ZCCHC14: variants seen among roughly 807,000 people sequenced by gnomAD.
ZCCHC14 encodes zinc finger CCHC domain-containing protein 14.
Under a neutral mutation model 85.0 loss-of-function variants are expected in ZCCHC14, and 16 were observed. The ratio of observed to expected loss-of-function variants is 0.19; its 90% CI spans 0.13 to 0.29. The LOEUF (loss-of-function observed/expected upper bound fraction) is 0.29. Ranked by LOEUF, ZCCHC14 falls within the 10% of genes least tolerant of loss-of-function variation. The probability of loss-of-function intolerance (pLI) is 1.00; values close to 1 mark genes in which losing one functional copy is unlikely to be tolerated. For synonymous variants in ZCCHC14, 775 were observed against 630.7 expected (o/e 1.23, Z -3.43); for missense variants, 1,303 against 1,443.5 (o/e 0.90, Z 1.58).
intron 1 of ZCCHC14, among the ~76,000 whole-genome samples, chr16:87,486,362 C>T (rs1005950668): frequency 1.3e-5 from 2 of 152,194 alleles, no homozygotes; most frequent in Non-Finnish European, 1.5e-5. Context: ...TGTTTAGATA[C>T]ACAAATACCA....
chr16:87,414,545 T>C lies in ZCCHC14; in HGVS notation c.1476-4A>G. On this transcript the variant is annotated splice_polypyrimidine_tract_variant and splice_region_variant and intron_variant, in intron 9 of 12. Coordinates refer to ENST00000671377, the MANE Select transcript of ZCCHC14 (RefSeq NM_015144.3). ...GCACCGTCTCTCTGACTTCTCCCTG[T>C]GAAATAATCAAGCACAGGAACAAGT... is the stretch of plus-strand genomic sequence containing the variant. 1 of 1,609,454 alleles carries C rather than the reference T, an allele frequency of 6.2e-7. No homozygotes were observed. Among genetic ancestry groups the C allele is most frequent in the South Asian group, 1.1e-5 (1 of 90,612 alleles).
chr16:87,412,422 G>A lies in ZCCHC14; in HGVS notation c.2299C>T (p.Leu767Phe), dbSNP rs1483906875. Reference sequence around the variant, plus strand: ...TTGATGGGCGGACGGGCGGCGTGGAGGACTGTGCTGGGCGTCCCCGTGGCG... The same window carrying A: ...TTGATGGGCGGACGGGCGGCGTGGAAGACTGTGCTGGGCGTCCCCGTGGCG... Reference protein sequence around the residue: ...TAATGTPSTVLHAARPPIKLL... With the variant: ...TAATGTPSTVFHAARPPIKLL... Residue 767 changes from leucine to phenylalanine, a missense_variant, in exon 12 of 13, where the codon CTC (leucine) becomes TTC (phenylalanine). Leu to Phe is a conservative substitution (Grantham distance 22, BLOSUM62 0). Around this residue, in one of 7 missense-constraint regions of ZCCHC14, gnomAD observed 797 missense variants for 730.8 expected, o/e 1.09. Coordinates refer to ENST00000671377, the MANE Select transcript of ZCCHC14 (RefSeq NM_015144.3). 3.1e-6 allele frequency: 5 copies of A among 1,614,160 alleles called. No homozygotes were observed. Among genetic ancestry groups the A allele is most frequent in the Non-Finnish European group, 4.2e-6 (5 of 1,180,024 alleles).
Position 87,409,507 on chromosome 16 carries a change from T to G in ZCCHC14, c.*773A>C, listed in dbSNP as rs1218528424. The G allele has an allele frequency of 1.3e-5, 2 of 152,330 alleles. No homozygotes were observed. Among genetic ancestry groups the G allele is most frequent in the Non-Finnish European group, 2.9e-5 (2 of 68,050 alleles). The allele number at this position is 152,330 out of a possible 1,614,324, so 9.4% of individuals were successfully genotyped here. On this transcript the variant is annotated 3_prime_UTR_variant, in exon 13 of 13. Coordinates refer to ENST00000671377, the MANE Select transcript of ZCCHC14 (RefSeq NM_015144.3). Reference sequence around the variant, plus strand: ...TTGACGACTATGGATTCTCTGGGACTTGGACCCTTAGAAATTAAGTTGTTG... The same window carrying G: ...TTGACGACTATGGATTCTCTGGGACGTGGACCCTTAGAAATTAAGTTGTTG...
Position 87,412,326 on chromosome 16 carries a change from G to C in ZCCHC14, c.2395C>G (p.Gln799Glu). The C allele has an allele frequency of 6.2e-7, 1 of 1,614,058 alleles. No individual in the cohort carries two copies. Among genetic ancestry groups the C allele is most frequent in the Non-Finnish European group, 8.5e-7 (1 of 1,180,044 alleles). Residue 799 changes from glutamine to glutamate, a missense_variant, in exon 12 of 13, where the codon CAA becomes GAA. Gln to Glu is a conservative substitution (Grantham distance 29). Around this residue, in one of 7 missense-constraint regions of ZCCHC14, gnomAD observed 797 missense variants for 730.8 expected, o/e 1.09. Coordinates refer to ENST00000671377, the MANE Select transcript of ZCCHC14 (RefSeq NM_015144.3). Reference sequence around the variant, plus strand: ...ATTATTGCAGGGGGCACACTTATTTGCACATTATTAGGACAGGAAGTTTGC... The same window carrying C: ...ATTATTGCAGGGGGCACACTTATTTCCACATTATTAGGACAGGAAGTTTGC... Reference protein sequence around the residue: ...SGQTSCPNNVQISVPPAIINP... With the variant: ...SGQTSCPNNVEISVPPAIINP...
chr16:87,438,371 T>C (rs546341036), intron 2 of ZCCHC14, among the ~76,000 whole-genome samples: 5 of 152,398 alleles, frequency 3.3e-5, no homozygotes, highest in African/African-American at 9.6e-5. Context: ...TAAAGGGCTC[T>C]TTCAATAAAA....
Position 87,492,658 on chromosome 16 carries a change from G to A in ZCCHC14, c.-420C>T, listed in dbSNP as rs1321550791. ...CGCCCCCATCTCCCCCCGCGCCGCA[G>A]GGTCTGTCACTGCGGGCCGCCCCCC... On this transcript the variant is annotated 5_prime_UTR_variant, in exon 1 of 13. Coordinates refer to ENST00000671377, the MANE Select transcript of ZCCHC14 (RefSeq NM_015144.3). The surrounding 1 kb of genome is among the most constrained non-coding windows in gnomAD (Gnocchi z 6.7). The A allele has an allele frequency of 6.9e-6, 1 of 145,834 alleles. No homozygotes were observed. Among genetic ancestry groups the A allele is most frequent in the Non-Finnish European group, 1.5e-5 (1 of 65,594 alleles). The allele number at this position is 145,834 out of a possible 1,614,324, so 9.0% of individuals were successfully genotyped here. A position where few individuals can be genotyped will look rare whatever the true frequency, so the allele number is the denominator to read the frequency against.
At chr16:87,436,363 G>T (rs146409717) in intron 2 of ZCCHC14, among the ~76,000 whole-genome samples, 1 of 152,382 alleles carries the variant, frequency 6.6e-6, no homozygotes, top group African/African-American at 2.4e-5. Flanking sequence ...GACGCAGCGA[G>T]GCTCCCTCTA....
intron 2 of ZCCHC14, among the ~76,000 whole-genome samples, chr16:87,440,471 A>G (rs1410072514): frequency 6.6e-6 from 1 of 151,498 alleles, no homozygotes; most frequent in Non-Finnish European, 1.5e-5. Context: ...AGCTGATTCT[A>G]AAGTTTTAGA....
chr16:87,472,076 C>T (rs1399334724), intron 1 of ZCCHC14: 2 of 152,286 alleles, frequency 1.3e-5, no homozygotes, highest in Non-Finnish European at 2.9e-5. Flanking sequence ...AATGCTTGCA[C>T]AGACAAGTGC....
At chr16:87,478,857 G>C (rs1292229351) in intron 1 of ZCCHC14, among the ~76,000 whole-genome samples, 4 of 151,762 alleles carry the variant, frequency 2.6e-5, no homozygotes, top group African/African-American at 9.7e-5. Context: ...CGCCCGCCTC[G>C]GCCTCCCAAA....
At position 87,431,406 on chromosome 16, in the gene ZCCHC14, G is replaced by C. The variant is rs1160148381; in HGVS notation, c.768+1722C>G. 3.3e-5 allele frequency among the ~76,000 whole-genome samples: 5 copies of C among 149,466 alleles called. 1 individual carries two copies. In the East Asian group the frequency reaches 8.0e-4, roughly 24 times the overall value. On this transcript the variant is annotated intron_variant, in intron 3 of 12. Transcript: ENST00000671377. ...GAAAATGGTGTGAACCCGGGAGGCG[G>C]AGCTTACAGTGAGCCGAGATCGCGT... is the stretch of plus-strand genomic sequence containing the variant.
intron 2 of ZCCHC14, among the ~76,000 whole-genome samples, chr16:87,452,984 G>A (rs1910778221): frequency 6.6e-6 from 1 of 152,248 alleles, no homozygotes; most frequent in Non-Finnish European, 1.5e-5. Flanking sequence ...AGGAGAGAAG[G>A]CTGAATACAG....
chr16:87,467,158 A>C, intron 1 of ZCCHC14: 1 of 1,262,730 alleles, frequency 7.9e-7, no homozygotes, highest in Non-Finnish European at 1.1e-6. Context: ...TTGATAGATG[A>C]AAACTGTCTG....
intron 3 of ZCCHC14, among the ~76,000 whole-genome samples, chr16:87,431,763 G>C (rs188049761): frequency 6.6e-6 from 1 of 152,106 alleles, no homozygotes; most frequent in Non-Finnish European, 1.5e-5. Context: ...TGTCACACGC[G>C]ACCACTGCAA....
At chr16:87,423,324 T>C (rs1487866652) in intron 4 of ZCCHC14, among the ~76,000 whole-genome samples, 2 of 152,142 alleles carry the variant, frequency 1.3e-5, no homozygotes, top group African/African-American at 2.4e-5. Flanking sequence ...AAGGCTGCAG[T>C]GAGCTGTGAT....
chr16:87,412,013 T>C lies in ZCCHC14; in HGVS notation c.2708A>G (p.His903Arg). The C allele has an allele frequency of 6.2e-7, 1 of 1,609,058 alleles. No individual in the cohort carries two copies. Among genetic ancestry groups the C allele is most frequent in the Non-Finnish European group, 8.5e-7 (1 of 1,179,778 alleles). Residue 903 changes from histidine to arginine, a missense_variant, in exon 12 of 13, where the codon CAC becomes CGC. Coordinates refer to ENST00000671377, the MANE Select transcript of ZCCHC14 (RefSeq NM_015144.3). ...TGCCGGGGGCTGCTGATGGTGGTGG[T>C]GGTGGTGGTGGTTCGGATTCGAGGC... ...IPASNPNHHHHHHHQQPPAPP... is the reference protein window; with the variant it reads ...IPASNPNHHHRHHHQQPPAPP...
intron 3 of ZCCHC14, among the ~76,000 whole-genome samples, chr16:87,426,103 G>A (rs547822392): frequency 5.9e-5 from 9 of 152,266 alleles, no homozygotes; most frequent in East Asian, 5.8e-4. Flanking sequence ...ACAGTCAGGC[G>A]GAGACCAGCC....
At chr16:87,442,117 G>A (rs367883163) in intron 2 of ZCCHC14, among the ~76,000 whole-genome samples, 2 of 152,314 alleles carry the variant, frequency 1.3e-5, no homozygotes, top group African/African-American at 4.8e-5. Flanking sequence ...GCAACCCCGT[G>A]GCGTTGTGGG....
intron 3 of ZCCHC14, among the ~76,000 whole-genome samples, chr16:87,431,677 C>A (rs761274451): frequency 1.3e-5 from 2 of 152,168 alleles, no homozygotes; most frequent in Non-Finnish European, 2.9e-5. Flanking sequence ...GCTCCGTGCA[C>A]AGCACCTTCT....
Sources: allele counts gnomAD v4.1 joint callset (sites outside exome capture counted in the v4.1 genomes callset), GRCh38; gene constraint gnomAD v4.1.1; regional missense constraint gnomAD v4.1.1; non-coding constraint Gnocchi (gnomAD v3.1); transcripts MANE v1.5; gene names NCBI Gene and HGNC (gene_info 2026-07-23, HGNC 2026-07-21).